The following ARHGAP22 variants were observed in gnomAD, a reference collection of about 807,000 sequenced individuals.
The protein encoded by ARHGAP22 is rho GTPase-activating protein 22.
ARHGAP22 carries 48 observed loss-of-function variants against 59.1 expected under a neutral mutation model. The observed-to-expected ratio is 0.81, with a 90% confidence interval of 0.64 to 1.03. ARHGAP22 has a LOEUF of 1.03. Among genes scored for constraint, ARHGAP22 ranks in the 50% least tolerant of loss-of-function variants. The pLI is 0.00. For missense variants in ARHGAP22, 1,015 were observed against 958.7 expected (o/e 1.06, Z -0.78); for synonymous variants, 445 against 416.4 (o/e 1.07, Z -0.84).
chr10:48,435,758 A>G, the ARHGAP22 span: 2 of 152,244 alleles, frequency 1.3e-5, no homozygotes, highest in African/African-American at 4.8e-5. Flanking sequence ...AAAAATAAGT[A>G]AAAAGAATAT....
At chr10:48,648,465 C>G (rs1052220865) in intron 1 of ARHGAP22, among the ~76,000 whole-genome samples, 4 of 152,142 alleles carry the variant, frequency 2.6e-5, no homozygotes, top group Non-Finnish European at 4.4e-5. Context: ...AGACCATTCA[C>G]AAGCTCACTG....
intron 2 of ARHGAP22, among the ~76,000 whole-genome samples, chr10:48,578,050 C>G (rs997756045): frequency 6.6e-6 from 1 of 152,098 alleles, no homozygotes; most frequent in Non-Finnish European, 1.5e-5. Context: ...CTCAAATGAT[C>G]TGCCTGCCTT....
intron 2 of ARHGAP22, among the ~76,000 whole-genome samples, chr10:48,577,786 A>AACTGCTCTTTT (rs140236320): frequency 0.29 from 35,060 of 122,750 alleles, 6,370 homozygotes; most frequent in East Asian, 0.69. Flanking sequence ...TCTGAGATCT[A>AACTGCTCTTTT]ACTGCTCTTT....
intron 8 of ARHGAP22, chr10:48,451,636 A>G (rs911728421): frequency 1.5e-6 from 1 of 681,576 alleles, no homozygotes; most frequent in Non-Finnish European, 2.7e-6. Context: ...ATACAATTGC[A>G]CACACAATGC....
chr10:48,579,447 T>C (rs963884233), intron 2 of ARHGAP22, among the ~76,000 whole-genome samples: 1 of 152,208 alleles, frequency 6.6e-6, no homozygotes, highest in Non-Finnish European at 1.5e-5. Flanking sequence ...CAGGGACAGG[T>C]GCTGGGAAAA....
At position 48,580,266 on chromosome 10, in the gene ARHGAP22, C is replaced by T. The variant is rs577325852; in HGVS notation, c.234+2687G>A. Among the ~76,000 whole-genome samples, 14 of 152,254 alleles carry T rather than the reference C, an allele frequency of 9.2e-5. No homozygotes were observed. In the South Asian group the frequency reaches 2.7e-3, roughly 29 times the overall value. Reference sequence around the variant, plus strand: ...GCCTCCATTTTATTAGTTGCTTCCACCAGAGGATGTGGAGGTCTGGAAAAC... The same window carrying T: ...GCCTCCATTTTATTAGTTGCTTCCATCAGAGGATGTGGAGGTCTGGAAAAC... On this transcript the variant is annotated intron_variant, in intron 2 of 9. Transcript: ENST00000249601.
chr10:48,653,929 A>T (rs1312494803), upstream of ARHGAP22, among the ~76,000 whole-genome samples: 1 of 152,228 alleles, frequency 6.6e-6, no homozygotes, highest in Non-Finnish European at 1.5e-5. Context: ...AATACCTGCT[A>T]AAAAGGTATG....
At chr10:48,638,246 C>T (rs1012680260) in intron 1 of ARHGAP22, among the ~76,000 whole-genome samples, 10 of 152,118 alleles carry the variant, frequency 6.6e-5, no homozygotes, top group South Asian at 2.1e-4. Flanking sequence ...GTCTGTGCCA[C>T]GGGGAGATTC....
At chr10:48,629,791 C>A (rs2061568720) in intron 1 of ARHGAP22, among the ~76,000 whole-genome samples, 1 of 152,092 alleles carries the variant, frequency 6.6e-6, no homozygotes, top group Non-Finnish European at 1.5e-5. Flanking sequence ...AATTTGGGAA[C>A]AATTGACATT....
At chr10:48,537,594 G>A (rs2055488002) in intron 3 of ARHGAP22, among the ~76,000 whole-genome samples, 1 of 152,234 alleles carries the variant, frequency 6.6e-6, no homozygotes, top group Non-Finnish European at 1.5e-5. Flanking sequence ...TGTCTGCCAA[G>A]GGCCTGCAAA....
chr10:48,502,826 G>A (rs891564465), intron 3 of ARHGAP22, among the ~76,000 whole-genome samples: 1 of 152,248 alleles, frequency 6.6e-6, no homozygotes, highest in Non-Finnish European at 1.5e-5. Context: ...GGACACAGCA[G>A]TGACAAAAGC....
At chr10:48,552,116 A>G (rs1218939346) in intron 3 of ARHGAP22, among the ~76,000 whole-genome samples, 1 of 152,288 alleles carries the variant, frequency 6.6e-6, no homozygotes, top group African/African-American at 2.4e-5. Context: ...GAATTGCACA[A>G]ATAGAACTAT....
At chr10:48,557,752 C>G (rs923743689) in intron 2 of ARHGAP22, among the ~76,000 whole-genome samples, 2 of 152,232 alleles carry the variant, frequency 1.3e-5, no homozygotes, top group Admixed American at 6.5e-5. Flanking sequence ...GTGTGCCCCC[C>G]ACCACTGCAG....
At chr10:48,526,273 G>T (rs2054313894) in intron 3 of ARHGAP22, among the ~76,000 whole-genome samples, 1 of 152,166 alleles carries the variant, frequency 6.6e-6, no homozygotes, top group South Asian at 2.1e-4. Context: ...GTTTTCCCAG[G>T]AGTTAAGTCT....
intron 4 of ARHGAP22, among the ~76,000 whole-genome samples, chr10:48,468,231 C>T (rs1288908676): frequency 2.0e-5 from 3 of 152,166 alleles, no homozygotes; most frequent in African/African-American, 7.2e-5. Context: ...TAATGCCCTT[C>T]CCCACAAGAT....
chr10:48,555,451 G>C lies in ARHGAP22; in HGVS notation c.322+12C>G. 6.2e-7 allele frequency: 1 copy of C among 1,613,302 alleles called. No individual in the cohort carries two copies. The highest frequency in any genetic ancestry group is 8.5e-7 in the Non-Finnish European group (1 of 1,179,536). ...CACCAGGGCTGCAGAGCTGGAAGGT[G>C]CTCAGGCCTACCTGGGCTGATCTCA... On this transcript the variant is annotated intron_variant, in intron 3 of 9. Transcript: ENST00000249601.
At chr10:48,523,678 G>C (rs981126351) in intron 3 of ARHGAP22, among the ~76,000 whole-genome samples, 1 of 151,930 alleles carries the variant, frequency 6.6e-6, no homozygotes, top group Non-Finnish European at 1.5e-5. Flanking sequence ...ACCTGCGAGC[G>C]GGTCTGGGCG....
At chr10:48,600,551 C>CA (rs5784770) in intron 1 of ARHGAP22, among the ~76,000 whole-genome samples, 14,416 of 138,854 alleles carry the variant, frequency 0.1, 776 homozygotes, top group Admixed American at 0.2. Flanking sequence ...GAGGAGTATT[C>CA]AAAAAAAAAA....
At chr10:48,462,981 T>A (rs946236342) in intron 4 of ARHGAP22, among the ~76,000 whole-genome samples, 21 of 152,218 alleles carry the variant, frequency 1.4e-4, no homozygotes. Flanking sequence ...TGCCTAACAG[T>A]GGGCCACACA....
Sources: gnomAD v4.1 joint callset for allele counts (sites outside exome capture counted in the v4.1 genomes callset) on GRCh38, gnomAD v4.1.1 for gene constraint, MANE v1.5 for transcripts, NCBI Gene and HGNC (gene_info 2026-07-23, HGNC 2026-07-21) for gene names.